Variants in IMMP2L observed in about 807,000 individuals in gnomAD.
IMMP2L encodes mitochondrial inner membrane protease subunit 2.
A neutral mutation model predicts 19.3 loss-of-function variants in IMMP2L; 18 were observed. The ratio of observed to expected loss-of-function variants is 0.93; its 90% confidence interval spans 0.64 to 1.38. IMMP2L has a LOEUF of 1.38. Among genes scored for constraint, IMMP2L ranks in the 40% most tolerant of loss-of-function variants. The pLI is 0.00. For synonymous variants in IMMP2L, 76 were observed against 73.0 expected, an observed-to-expected ratio of 1.04 and a Z score of -0.21; for missense variants, 233 against 218.2, an observed-to-expected ratio of 1.07 and a Z score of -0.43.
At position 110,803,312 on chromosome 7, in the gene IMMP2L, C is replaced by G. The variant is rs114731360; in HGVS notation, c.408+83281G>C. On this transcript the variant is annotated intron_variant, in intron 5 of 5. Transcript: ENST00000405709. The surrounding 1 kb of genome is among the most constrained non-coding windows in gnomAD (Gnocchi z 4.2). ...TATGAGTTGCAGAGCTTAGAGACAG[C>G]CAGTTGATGTCCACTTTGAATATCA... Among the ~76,000 whole-genome samples, 1,689 of 152,042 alleles carry G rather than the reference C, an allele frequency of 0.011. 32 individuals carry two copies. The highest frequency in any genetic ancestry group is 0.039 in the African/African-American group (1,615 of 41,472).
chr7:110,700,260 A>G (rs1464178214), intron 5 of IMMP2L, among the ~76,000 whole-genome samples: 1 of 152,122 alleles, frequency 6.6e-6, no homozygotes, highest in Non-Finnish European at 1.5e-5. Flanking sequence ...CTGATCTGGG[A>G]CCCATTGCCC....
intron 3 of IMMP2L, among the ~76,000 whole-genome samples, chr7:111,422,522 T>A (rs752770878): frequency 2.0e-5 from 3 of 151,826 alleles, no homozygotes; most frequent in Non-Finnish European, 2.9e-5. Context: ...GCTCTCTGTT[T>A]GTTAATGGGG....
intron 5 of IMMP2L, among the ~76,000 whole-genome samples, chr7:110,816,262 G>A (rs1477851159): frequency 4.6e-5 from 7 of 152,104 alleles, no homozygotes; most frequent in Non-Finnish European, 8.8e-5. Context: ...CAGTTTCCAT[G>A]TAGTTGAGCG....
intron 5 of IMMP2L, among the ~76,000 whole-genome samples, chr7:110,883,178 T>C (rs1006159434): frequency 2.0e-5 from 3 of 152,208 alleles, no homozygotes; most frequent in Non-Finnish European, 4.4e-5. Context: ...ACTTTTCTAC[T>C]TTACTTTTCA....
At chr7:110,969,092 A>G (rs970708667) in intron 3 of IMMP2L, among the ~76,000 whole-genome samples, 1 of 152,122 alleles carries the variant, frequency 6.6e-6, no homozygotes, top group Non-Finnish European at 1.5e-5. Context: ...AAAACTAAAT[A>G]TAACTGAATC....
intron 3 of IMMP2L, among the ~76,000 whole-genome samples, chr7:110,978,436 G>A (rs781776518): frequency 6.6e-5 from 10 of 151,892 alleles, no homozygotes; most frequent in Non-Finnish European, 1.3e-4. Context: ...CTATGATTGG[G>A]AATCTATCCA....
chr7:111,175,925 G>A (rs907167976), intron 3 of IMMP2L, among the ~76,000 whole-genome samples: 1 of 151,532 alleles, frequency 6.6e-6, no homozygotes, highest in African/African-American at 2.4e-5. Context: ...TCAAAAATAG[G>A]AAAAAATCCA....
Position 111,521,419 on chromosome 7 carries a change from C to G in IMMP2L, c.29G>C (p.Arg10Thr). 4 of 1,612,664 alleles carry G rather than the reference C, an allele frequency of 2.5e-6. No homozygotes were observed. Among genetic ancestry groups the G allele is most frequent in the Non-Finnish European group, 3.4e-6 (4 of 1,179,138 alleles). Residue 10 changes from arginine to threonine, a missense_variant, in exon 2 of 6, where the codon AGA becomes ACA. By Grantham distance (71) the Arg-to-Thr change is moderately conservative. Coordinates refer to ENST00000405709, the MANE Select transcript of IMMP2L (RefSeq NM_032549.4). The stretch of plus-strand genomic sequence containing the variant: ...GCCTTTACAAAAGGCCTTGATGTAT[C>G]TTTTCACCCACCCTTGTGACTGTGC... MAQSQGWVK[R>T]YIKAFCKGFF...
chr7:111,090,609 TAAA>T, intron 3 of IMMP2L, among the ~76,000 whole-genome samples: 1 of 113,124 alleles, frequency 8.8e-6, no homozygotes. Context: ...ATGTCATTGC[TAAA>T]AAAAAAAAAA....
At chr7:111,219,789 T>C (rs552623506) in intron 3 of IMMP2L, among the ~76,000 whole-genome samples, 1 of 152,084 alleles carries the variant, frequency 6.6e-6, no homozygotes, top group East Asian at 1.9e-4. Context: ...TTTTTTACCT[T>C]TGTTAACCTG....
In IMMP2L at chr7:110,728,208, C is replaced by T. The variant is rs1255358227; in HGVS notation, c.409-64487G>A. Among the ~76,000 whole-genome samples, 1 of 152,110 alleles carries T rather than the reference C, an allele frequency of 6.6e-6. No homozygotes were observed. Among genetic ancestry groups the T allele is most frequent in the East Asian group, 1.9e-4 (1 of 5,192 alleles). ...TGTTGTTATCAATATTATTAATAATCTTAAAGGCGACTGGGAGTGGTGGTT... is the reference window on the plus strand; with the variant it reads ...TGTTGTTATCAATATTATTAATAATTTTAAAGGCGACTGGGAGTGGTGGTT... On this transcript the variant is annotated intron_variant, in intron 5 of 5. Transcript: ENST00000405709. The surrounding 1 kb of genome is among the most constrained non-coding windows in gnomAD (Gnocchi z 4.6).
intron 5 of IMMP2L, among the ~76,000 whole-genome samples, chr7:110,748,577 G>C (rs1018622149): frequency 3.9e-5 from 6 of 151,968 alleles, no homozygotes; most frequent in African/African-American, 1.4e-4. Context: ...CAGAAGAGAG[G>C]CCTCAGAAAT....
chr7:111,342,143 T>C (rs1338279155), intron 3 of IMMP2L, among the ~76,000 whole-genome samples: 1 of 152,178 alleles, frequency 6.6e-6, no homozygotes, highest in Non-Finnish European at 1.5e-5. Flanking sequence ...GATTTGATAC[T>C]GGATTGTAGA....
chr7:110,832,922 G>T lies in IMMP2L; in HGVS notation c.408+53671C>A, dbSNP rs191291106. ...CCAGTAGGAGAAAGGATTAGGGCAG[G>T]TTTCCCTGCTCCCTCCAGTACAGCT... On this transcript the variant is annotated intron_variant, in intron 5 of 5. Transcript: ENST00000405709. Among the ~76,000 whole-genome samples the T allele has an allele frequency of 1.6e-4, 25 of 152,284 alleles. No homozygotes were observed. In the East Asian group the frequency reaches 2.9e-3, roughly 18 times the overall value.
rs149006665 is a variant in IMMP2L, at chr7:110,769,059, C to T, written c.409-105338G>A. Among the ~76,000 whole-genome samples the T allele has an allele frequency of 1.4e-3, 214 of 152,238 alleles. 1 individual carries two copies. The highest frequency in any genetic ancestry group is 4.6e-3 in the East Asian group (24 of 5,180). ...TAAAGTCCATGTAAATGTTCTGGTA[C>T]GTTTTTGCCTGATAGCACAATTTCA... On this transcript the variant is annotated intron_variant, in intron 5 of 5. Transcript: ENST00000405709.
At chr7:111,144,430 G>C (rs1257936415) in intron 3 of IMMP2L, among the ~76,000 whole-genome samples, 3 of 152,094 alleles carry the variant, frequency 2.0e-5, no homozygotes, top group African/African-American at 7.2e-5. Flanking sequence ...TATATTTGGA[G>C]AGTTTAAGGG....
chr7:110,962,638 T>A (rs1393307907), intron 4 of IMMP2L: 3 of 705,228 alleles, frequency 4.3e-6, no homozygotes, highest in Non-Finnish European at 5.2e-6. Flanking sequence ...TTTAATCTCA[T>A]AGGCCCCCAG....
intron 4 of IMMP2L, chr7:110,962,893 A>G (rs1819117522): frequency 7.3e-6 from 10 of 1,360,916 alleles, no homozygotes; most frequent in Non-Finnish European, 9.4e-6. Context: ...AGCGATCACA[A>G]TGAGACACAT....
At chr7:111,275,336 G>C (rs1818907061) in intron 3 of IMMP2L, among the ~76,000 whole-genome samples, 1 of 152,114 alleles carries the variant, frequency 6.6e-6, no homozygotes, top group South Asian at 2.1e-4. Context: ...TTTCCGAGGA[G>C]AATTAGCTTG....
Sources: allele counts gnomAD v4.1 joint callset (sites outside exome capture counted in the v4.1 genomes callset), GRCh38; gene constraint gnomAD v4.1.1; non-coding constraint Gnocchi (gnomAD v3.1); transcripts MANE v1.5; gene names NCBI Gene and HGNC (gene_info 2026-07-23, HGNC 2026-07-21).